TAS1R2: variants seen among roughly 807,000 people sequenced by gnomAD.
The protein encoded by TAS1R2 is taste receptor type 1 member 2.
A neutral mutation model predicts 49.3 loss-of-function variants in TAS1R2; 47 were observed. The ratio of observed to expected loss-of-function variants is 0.95; its 90% CI spans 0.75 to 1.22. The LOEUF (loss-of-function observed/expected upper bound fraction) is 1.22. Among genes scored for constraint, TAS1R2 ranks in the 50% most tolerant of loss-of-function variants. The probability of loss-of-function intolerance (pLI) is 0.00; values close to 1 mark genes in which losing one functional copy is unlikely to be tolerated. For missense variants in TAS1R2, 1,155 were observed against 1,122.1 expected (o/e 1.03, Z -0.42); for synonymous variants, 479 against 467.9 (o/e 1.02, Z -0.31).
chr1:18,847,693 T>C (rs1933947637), intron 4 of TAS1R2, among the ~76,000 whole-genome samples: 1 of 152,214 alleles, frequency 6.6e-6, no homozygotes, highest in Non-Finnish European at 1.5e-5. Flanking sequence ...AATGGATCTT[T>C]AGATTGACAG....
intron 4 of TAS1R2, among the ~76,000 whole-genome samples, chr1:18,848,952 C>G (rs563713485): frequency 6.6e-6 from 1 of 152,318 alleles, no homozygotes; most frequent in Non-Finnish European, 1.5e-5. Flanking sequence ...CTTGAATCAT[C>G]CGGAAACTAT....
At chr1:18,857,293 C>G in intron 2 of TAS1R2, 38 bp downstream of exon 2, 4 of 1,593,696 alleles carry the variant, frequency 2.5e-6, no homozygotes, top group Non-Finnish European at 3.4e-6. Context: ...TCCTCTGCCC[C>G]CCTCCCCAGG....
At chr1:18,847,924 G>A (rs1933951999) in intron 4 of TAS1R2, among the ~76,000 whole-genome samples, 2 of 152,252 alleles carry the variant, frequency 1.3e-5, no homozygotes, top group African/African-American at 4.8e-5. Context: ...ATGGATAGCA[G>A]CAAGCGGAGA....
chr1:18,851,665 T>G (rs1934028279), intron 3 of TAS1R2, among the ~76,000 whole-genome samples: 2 of 151,996 alleles, frequency 1.3e-5, no homozygotes, highest in African/African-American at 4.8e-5. Flanking sequence ...GGCCACAAAT[T>G]TGCCAGCCTG....
chr1:18,857,459 C>T (rs1934156828), exon 2 of TAS1R2: 5 of 1,614,170 alleles, frequency 3.1e-6, no homozygotes, highest in Middle Eastern at 1.6e-4. Flanking sequence ...AGGAGGTTGT[C>T]CTCGTGTGCC....
At chr1:18,844,370 G>C (rs1933879054) in intron 4 of TAS1R2, among the ~76,000 whole-genome samples, 2 of 152,340 alleles carry the variant, frequency 1.3e-5, no homozygotes, top group South Asian at 4.1e-4. Context: ...GGATCCATGA[G>C]AGTGAGCACA....
At chr1:18,844,125 A>G (rs1231870072) in intron 4 of TAS1R2, among the ~76,000 whole-genome samples, 1 of 152,242 alleles carries the variant, frequency 6.6e-6, no homozygotes, top group African/African-American at 2.4e-5. Flanking sequence ...TCAGGGATAC[A>G]AAGCTTTTTT....
intron 2 of TAS1R2, among the ~76,000 whole-genome samples, chr1:18,856,936 G>C (rs1032144944): frequency 6.6e-6 from 1 of 152,202 alleles, no homozygotes; most frequent in Admixed American, 6.5e-5. Context: ...TCCTGTGCAA[G>C]ATGCTTTATA....
chr1:18,845,160 C>A (rs997430513), intron 4 of TAS1R2, among the ~76,000 whole-genome samples: 1 of 152,184 alleles, frequency 6.6e-6, no homozygotes, highest in Admixed American at 6.5e-5. Context: ...GACACTGTAT[C>A]ACCTCAGATC....
chr1:18,841,837 A>ACCT, exon 5 of TAS1R2: 1 of 1,610,884 alleles, frequency 6.2e-7, no homozygotes, highest in South Asian at 1.1e-5. Context: ...CTCTTGGAAC[A>ACCT]CATGGACATA....
chr1:18,857,516 C>A, exon 2 of TAS1R2: 1 of 1,614,190 alleles, frequency 6.2e-7, no homozygotes, highest in Non-Finnish European at 8.5e-7. Context: ...TAGCACACAT[C>A]CACGATCTCA....
At chr1:18,856,700 A>C (rs1934141278) in intron 2 of TAS1R2, among the ~76,000 whole-genome samples, 1 of 152,198 alleles carries the variant, frequency 6.6e-6, no homozygotes, top group Admixed American at 6.5e-5. Flanking sequence ...AAACAGTAAC[A>C]ATCACAATAT....
At position 18,839,859 on chromosome 1, in the gene TAS1R2, TG is replaced by T; in HGVS notation, c.2259del (p.Thr754ProfsTer13). On this transcript the variant is annotated frameshift_variant, in exon 6 of 6. Coordinates refer to ENST00000375371, the Ensembl canonical transcript of TAS1R2. LOFTEE classifies it high-confidence loss of function. ...ATGAACTTGGCCTCGTTGTAGTTGG[TG>T]GGCAGCTCTTTGCCCATGTAGGCGA... 6.2e-7 allele frequency: 1 copy of T among 1,614,180 alleles called. No homozygotes were observed. Among genetic ancestry groups the T allele is most frequent in the Non-Finnish European group, 8.5e-7 (1 of 1,180,032 alleles).
At chr1:18,859,656 C>T in exon 1 of TAS1R2, 1 of 1,614,180 alleles carries the variant, frequency 6.2e-7, no homozygotes, top group Non-Finnish European at 8.5e-7. Context: ...TGCCCTGGGC[C>T]CCATGGCTGG....
intron 5 of TAS1R2, 59 bp from the exon 6 acceptor site, chr1:18,840,586 C>T: frequency 6.3e-7 from 1 of 1,583,568 alleles, no homozygotes; most frequent in East Asian, 2.2e-5. Flanking sequence ...CCTGCATCCT[C>T]CCAGCCCTGC....
In TAS1R2 at chr1:18,849,345, T is replaced by C; in HGVS notation, c.1463A>G (p.Asn488Ser). 3 of 1,607,302 alleles carry C rather than the reference T, an allele frequency of 1.9e-6. No individual in the cohort carries two copies. Among genetic ancestry groups the C allele is most frequent in the Non-Finnish European group, 2.6e-6 (3 of 1,175,692 alleles). The change falls in exon 4 of 6, where the codon AAC becomes AGC. Residue 488 changes from asparagine to serine, a missense_variant. Coordinates refer to ENST00000375371, the Ensembl canonical transcript of TAS1R2. ...CCACCAGGCCCCCTGGCTGACCGTG[T>C]TGTTGATGGTGTGCCAGGAGATGTC...
intron 4 of TAS1R2, among the ~76,000 whole-genome samples, chr1:18,847,539 C>G (rs1933942405): frequency 7.8e-6 from 1 of 128,592 alleles, no homozygotes; most frequent in Admixed American, 7.4e-5. Context: ...GAAGAGGGTG[C>G]AGGCTATTAG....
chr1:18,851,646 T>C (rs1934027884), intron 3 of TAS1R2, among the ~76,000 whole-genome samples: 1 of 152,150 alleles, frequency 6.6e-6, no homozygotes, highest in Admixed American at 6.5e-5. Context: ...TGAACAGTTT[T>C]GCTGTGATGG....
At chr1:18,853,596 G>C (rs1934070626) in intron 3 of TAS1R2, among the ~76,000 whole-genome samples, 1 of 152,200 alleles carries the variant, frequency 6.6e-6, no homozygotes, top group Non-Finnish European at 1.5e-5. Flanking sequence ...TAGGGAAGTG[G>C]CTAAATAGCA....
Sources: allele counts gnomAD v4.1 joint callset (sites outside exome capture counted in the v4.1 genomes callset), GRCh38; gene constraint gnomAD v4.1.1; transcripts MANE v1.5; gene names NCBI Gene and HGNC (gene_info 2026-07-23, HGNC 2026-07-21).